The following SMC1B variants were observed in gnomAD, a reference collection of about 807,000 sequenced individuals.
SMC1B encodes structural maintenance of chromosomes protein 1B.
A neutral mutation model predicts 157.9 loss-of-function variants in SMC1B; 60 were observed. That is an observed-to-expected ratio of 0.38 (90% CI 0.31 to 0.47). SMC1B has a LOEUF of 0.47. Among genes scored for constraint, SMC1B ranks in the 20% least tolerant of loss-of-function variants. The probability of loss-of-function intolerance (pLI) is 0.99; values close to 1 mark genes in which losing one functional copy is unlikely to be tolerated. For missense variants in SMC1B, 1,165 were observed against 1,426.2 expected (o/e 0.82, Z 2.95); for synonymous variants, 445 against 483.0 (o/e 0.92, Z 1.03).
At chr22:45,373,698 G>T (rs986415446) in intron 12 of SMC1B, among the ~76,000 whole-genome samples, 1 of 152,242 alleles carries the variant, frequency 6.6e-6, no homozygotes, top group African/African-American at 2.4e-5. Context: ...GAGGTTAGAA[G>T]CGAGGTAGGG....
rs1156871622 is a variant in SMC1B, at chr22:45,352,546, GTTATA to G, written c.3325_3329del (p.Tyr1109LeufsTer43). 3.1e-6 allele frequency: 5 copies of G among 1,613,916 alleles called. No homozygotes were observed. The African/African-American group carries it at 6.7e-5, about 22-fold the overall frequency. ...TAAACCGTTTGCCTGGGGCCACACAGTTATAGCTAATTCCCTCCAAGTAAGGTTCT... is the reference window on the plus strand; with the variant it reads ...TAAACCGTTTGCCTGGGGCCACACAGGCTAATTCCCTCCAAGTAAGGTTCT... On this transcript the variant is annotated frameshift_variant, in exon 22 of 25. Transcript: ENST00000357450. LOFTEE classifies it high-confidence loss of function.
chr22:45,403,617 C>CA (rs1215697297), intron 4 of SMC1B, among the ~76,000 whole-genome samples: 9 of 152,058 alleles, frequency 5.9e-5, no homozygotes, highest in African/African-American at 2.2e-4. Context: ...CCACACCAGG[C>CA]AAAGTTTTTT....
chr22:45,351,877 C>G (rs2086619060), intron 22 of SMC1B, among the ~76,000 whole-genome samples: 1 of 152,182 alleles, frequency 6.6e-6, no homozygotes, highest in Non-Finnish European at 1.5e-5. Flanking sequence ...AACAGTTCCA[C>G]CACCATCAGT....
intron 13 of SMC1B, 129 bp downstream of exon 13, chr22:45,372,024 CAG>C (rs2086837538): frequency 1.1e-5 from 8 of 713,424 alleles, no homozygotes; most frequent in Admixed American, 3.7e-5. Flanking sequence ...GCCTGGGTGA[CAG>C]AGTGAGAGAC....
At chr22:45,371,045 C>T (rs2086826143) in intron 14 of SMC1B, among the ~76,000 whole-genome samples, 1 of 152,158 alleles carries the variant, frequency 6.6e-6, no homozygotes, top group Non-Finnish European at 1.5e-5. Flanking sequence ...TAAGCAGAAT[C>T]TAGGTGACCA....
intron 10 of SMC1B, among the ~76,000 whole-genome samples, chr22:45,389,359 T>C (rs959079502): frequency 6.6e-5 from 10 of 152,174 alleles, no homozygotes; most frequent in African/African-American, 1.7e-4. Flanking sequence ...TGAGGCTGAG[T>C]TGGCATTTCC....
chr22:45,387,072 TG>T, intron 10 of SMC1B, 26 bp from the exon 11 acceptor site: 1 of 1,553,464 alleles, frequency 6.4e-7, no homozygotes, highest in Non-Finnish European at 8.8e-7. Context: ...ATATTTAACA[TG>T]TTACATACAC....
chr22:45,363,147 A>G, intron 15 of SMC1B, 121 bp from the exon 16 acceptor site: 2 of 641,314 alleles, frequency 3.1e-6, no homozygotes, highest in Non-Finnish European at 2.5e-6. Flanking sequence ...ACTCCCAAGT[A>G]GCTGTCACCC....
intron 9 of SMC1B, among the ~76,000 whole-genome samples, chr22:45,392,980 C>T (rs930313910): frequency 2.2e-4 from 33 of 152,134 alleles, no homozygotes; most frequent in Admixed American, 2.0e-3. Context: ...GGATTATAGA[C>T]GTGAGACACT....
intron 1 of SMC1B, among the ~76,000 whole-genome samples, chr22:45,413,021 G>T (rs186772170): frequency 1.1e-4 from 16 of 151,654 alleles, no homozygotes; most frequent in Non-Finnish European, 2.2e-4. Flanking sequence ...CCCAGGGCGG[G>T]ACCGGGGCGG....
At chr22:45,407,410 C>CCT (rs1459265950) in intron 2 of SMC1B, among the ~76,000 whole-genome samples, 2 of 152,150 alleles carry the variant, frequency 1.3e-5, no homozygotes, top group Non-Finnish European at 2.9e-5. Flanking sequence ...CTCAGTCATC[C>CCT]CTCTGCTCAC....
Position 45,344,342 on chromosome 22 carries a change from T to A in SMC1B, c.*214A>T, listed in dbSNP as rs548782547. The A allele has an allele frequency of 3.0e-5, 11 of 362,484 alleles. No homozygotes were observed. In the East Asian group the frequency reaches 4.6e-4, roughly 15 times the overall value. 22.5% of individuals were successfully genotyped at this position (362,484 alleles called of 1,614,324 possible). A position where few individuals can be genotyped will look rare whatever the true frequency, so the allele number is the denominator to read the frequency against. ...TTTGTTTGTTTTTTAAAAACTCATT[T>A]GACACCAGCTCTCACTGAAAACTTT... is the stretch of plus-strand genomic sequence containing the variant. On this transcript the variant is annotated 3_prime_UTR_variant, in exon 25 of 25. Transcript: ENST00000357450.
chr22:45,389,943 G>C, intron 9 of SMC1B, 46 bp from the exon 10 acceptor site: 6 of 1,445,884 alleles, frequency 4.1e-6, no homozygotes, highest in Non-Finnish European at 5.7e-6. Flanking sequence ...ATATTAGAGT[G>C]AAATATATAA....
Position 45,354,070 on chromosome 22 carries a change from T to C in SMC1B, c.3181A>G (p.Arg1061Gly). The change falls in exon 21 of 25, where the codon AGG becomes GGG. Residue 1061 changes from arginine to glycine, a missense_variant. Physicochemically the swap from Arg to Gly is moderately radical, Grantham distance 125. Coordinates refer to ENST00000357450, the MANE Select transcript of SMC1B (RefSeq NM_148674.5). The part of the protein sequence containing the change: ...CRQEFEQVKK[R>G]RYDLFTQCFE... ...CACTGGGTGAAAAGATCGTATCTCC[T>C]TTTTTTCACTTGCTCGAACTCTTGC... 1 of 1,600,758 alleles carries C rather than the reference T, an allele frequency of 6.2e-7. No individual in the cohort carries two copies. The highest frequency in any genetic ancestry group is 1.1e-5 in the South Asian group (1 of 88,354).
intron 12 of SMC1B, among the ~76,000 whole-genome samples, chr22:45,379,723 C>CTTTTTTTTTTTTTTTTTTTTTT (rs136583): frequency 1.1e-5 from 1 of 91,484 alleles, no homozygotes; most frequent in Non-Finnish European, 2.0e-5. Context: ...TTTCTTTTTA[C>CTTTTTTTTTTTTTTTTTTTTTT]TTTTTTTTTT....
Position 45,386,973 on chromosome 22 carries a change from A to G in SMC1B, c.1805T>C (p.Phe602Ser). The G allele has an allele frequency of 6.2e-7, 1 of 1,614,134 alleles. No individual in the cohort carries two copies. The highest frequency in any genetic ancestry group is 8.5e-7 in the Non-Finnish European group (1 of 1,179,988). ...KMVIDVIKTQFPQLKKVIQFV... is the reference protein window; with the variant it reads ...KMVIDVIKTQSPQLKKVIQFV... ...CTGAATCACTTTCTTCAGCTGAGGA[A>G]ACTGAGTCTTTATGACATCAATCAC... Residue 602 changes from phenylalanine to serine, a missense_variant, in exon 11 of 25, where the codon TTT becomes TCT. Transcript: ENST00000357450.
intron 15 of SMC1B, among the ~76,000 whole-genome samples, chr22:45,364,622 TG>T (rs1382892274): frequency 2.6e-5 from 4 of 152,136 alleles, no homozygotes; most frequent in Non-Finnish European, 5.9e-5. Flanking sequence ...TCTTAATCCG[TG>T]ACCACACTGC....
intron 23 of SMC1B, among the ~76,000 whole-genome samples, chr22:45,346,185 A>G (rs2086550237): frequency 6.6e-6 from 1 of 152,240 alleles, no homozygotes; most frequent in Non-Finnish European, 1.5e-5. Context: ...AGGCTGGGCG[A>G]CAGAGTGAAA....
chr22:45,369,991 T>C lies in SMC1B; in HGVS notation c.2383A>G (p.Lys795Glu), dbSNP rs1433986729. The C allele has an allele frequency of 6.3e-7, 1 of 1,598,662 alleles. No homozygotes were observed. Among genetic ancestry groups the C allele is most frequent in the Admixed American group, 1.7e-5 (1 of 58,734 alleles). The change falls in exon 15 of 25, where the codon AAA becomes GAA. Residue 795 changes from lysine (K) to glutamate (E), a missense_variant. Physicochemically the swap from Lys to Glu is moderately conservative, Grantham distance 56. Transcript: ENST00000357450. Reference protein sequence around the residue: ...GVENIREFENKHVKRQQEIDQ... With the variant: ...GVENIREFENEHVKRQQEIDQ... The stretch of plus-strand genomic sequence containing the variant: ...ATTTCTTGTTGCCGTTTAACATGTT[T>C]GTTCTCAAATTCACGAATATTTTCC...
Sources: gnomAD v4.1 joint callset for allele counts (sites outside exome capture counted in the v4.1 genomes callset) on GRCh38, gnomAD v4.1.1 for gene constraint, MANE v1.5 for transcripts, NCBI Gene and HGNC (gene_info 2026-07-23, HGNC 2026-07-21) for gene names.